CBL: variants seen among roughly 807,000 people sequenced by gnomAD.
CBL encodes the protein Cbl proto-oncogene.
In CBL, 45 loss-of-function variants were observed where a neutral mutation model predicts 96.9. The observed-to-expected ratio is 0.46, with a 90% CI of 0.37 to 0.60. CBL has a LOEUF of 0.60. CBL is among the 20% of genes least tolerant of loss of function. The pLI, the probability that CBL is intolerant of heterozygous loss-of-function variation, is 0.00. For missense variants in CBL, 1,024 were observed against 1,143.5 expected, an observed-to-expected ratio of 0.90 and a Z score of 1.51; for synonymous variants, 420 against 426.8, an observed-to-expected ratio of 0.98 and a Z score of 0.20.
At chr11:119,222,200 A>G (rs1036797478) in intron 1 of CBL, among the ~76,000 whole-genome samples, 2 of 151,978 alleles carry the variant, frequency 1.3e-5, no homozygotes, top group African/African-American at 4.8e-5. Flanking sequence ...TTACATGTGT[A>G]TGGTTTTCTG....
chr11:119,297,249 C>G, intron 13 of CBL, 135 bp from the exon 14 acceptor site: 3 of 792,756 alleles, frequency 3.8e-6, no homozygotes, highest in Non-Finnish European at 6.6e-6. Context: ...AAAACACATA[C>G]ACCTATAACT....
intron 2 of CBL, among the ~76,000 whole-genome samples, chr11:119,250,664 A>T (rs1432927289): frequency 6.6e-6 from 1 of 152,058 alleles, no homozygotes; most frequent in African/African-American, 2.4e-5. Flanking sequence ...GTTTGTGAAA[A>T]TTATTTCAGG....
intron 3 of CBL, among the ~76,000 whole-genome samples, chr11:119,273,114 G>T (rs1949861161): frequency 6.6e-6 from 1 of 151,904 alleles, no homozygotes; most frequent in Non-Finnish European, 1.5e-5. Flanking sequence ...GACTACACGT[G>T]TGTGCTGCCA....
In CBL at chr11:119,210,012, G is replaced by A. The variant is rs559649108; in HGVS notation, c.195+3400G>A. Among the ~76,000 whole-genome samples, 4 of 152,322 alleles carry A rather than the reference G, an allele frequency of 2.6e-5. No individual in the cohort carries two copies. The South Asian group carries it at 8.3e-4, about 32-fold the overall frequency. On this transcript the variant is annotated intron_variant, in intron 1 of 15. Transcript: ENST00000264033. ...TGCATAAATACTTGTATGTGAAGTG[G>A]CTTGTAAGCCAAAAGACAATTAGGC...
At chr11:119,238,078 G>A (rs1453705246) in intron 2 of CBL, among the ~76,000 whole-genome samples, 1 of 151,792 alleles carries the variant, frequency 6.6e-6, no homozygotes, top group African/African-American at 2.4e-5. Flanking sequence ...CACCATGTTG[G>A]TCAGGCTGGT....
chr11:119,297,407 T>A lies in CBL; in HGVS notation c.2177T>A (p.Ile726Asn). 6.2e-7 allele frequency: 1 copy of A among 1,613,898 alleles called. No homozygotes were observed. Among genetic ancestry groups the A allele is most frequent in the Non-Finnish European group, 8.5e-7 (1 of 1,179,862 alleles). Residue 726 changes from isoleucine to asparagine, a missense_variant, in exon 14 of 16, where the codon ATT becomes AAT. This residue lies in a region of CBL where 695 missense variants were observed against 661.6 expected (regional missense o/e 1.05). Transcript: ENST00000264033. ...AGAGCATGTGATTGCGACCAGCAGA[T>A]TGATAGCTGTACGTATGAAGCAATG... Reference protein sequence around the residue: ...SSRACDCDQQIDSCTYEAMYN... With the variant: ...SSRACDCDQQNDSCTYEAMYN...
chr11:119,226,514 T>C (rs1439970589), intron 1 of CBL, among the ~76,000 whole-genome samples: 1 of 152,084 alleles, frequency 6.6e-6, no homozygotes, highest in Non-Finnish European at 1.5e-5. Flanking sequence ...AGATGGGGTC[T>C]GTGGCATGTC....
chr11:119,215,499 C>T (rs1414831948), intron 1 of CBL, among the ~76,000 whole-genome samples: 1 of 149,996 alleles, frequency 6.7e-6, no homozygotes, highest in African/African-American at 2.5e-5. Context: ...AGCTTCATCT[C>T]TACTAAAAAT....
intron 12 of CBL, among the ~76,000 whole-genome samples, chr11:119,288,391 GTGCC>G (rs1950000583): frequency 6.6e-6 from 1 of 152,144 alleles, no homozygotes; most frequent in East Asian, 1.9e-4. Flanking sequence ...TGAGATCAGG[GTGCC>G]TGCATGGTGG....
At chr11:119,233,856 G>A (rs1034428445) in intron 2 of CBL, among the ~76,000 whole-genome samples, 1 of 151,968 alleles carries the variant, frequency 6.6e-6, no homozygotes, top group Non-Finnish European at 1.5e-5. Flanking sequence ...CTTTCCTTTG[G>A]GCCTGTTGGC....
chr11:119,262,748 G>A (rs781096721), intron 2 of CBL, among the ~76,000 whole-genome samples: 55 of 152,166 alleles, frequency 3.6e-4, no homozygotes, highest in Admixed American at 8.5e-4. Flanking sequence ...GAACGTGATG[G>A]AACCTGTGAA....
At chr11:119,235,503 C>G (rs939236932) in intron 2 of CBL, among the ~76,000 whole-genome samples, 7 of 152,098 alleles carry the variant, frequency 4.6e-5, no homozygotes, top group African/African-American at 1.7e-4. Flanking sequence ...TCCTCATTGT[C>G]TTCAGGTTGA....
At chr11:119,233,208 T>G (rs1212444931) in intron 2 of CBL, among the ~76,000 whole-genome samples, 2 of 152,208 alleles carry the variant, frequency 1.3e-5, no homozygotes, top group Admixed American at 6.5e-5. Flanking sequence ...TGCAGTTAAT[T>G]CAATAAATAT....
chr11:119,239,090 C>T (rs553181186), intron 2 of CBL, among the ~76,000 whole-genome samples: 5 of 152,254 alleles, frequency 3.3e-5, no homozygotes, highest in Non-Finnish European at 7.4e-5. Flanking sequence ...CCACCTCAGT[C>T]TCCCTAGTAG....
At chr11:119,280,422 A>C (rs998481055) in intron 9 of CBL, among the ~76,000 whole-genome samples, 1 of 152,218 alleles carries the variant, frequency 6.6e-6, no homozygotes, top group East Asian at 1.9e-4. Context: ...AAAATATTTA[A>C]CTTTTGGTTA....
At position 119,215,700 on chromosome 11, in the gene CBL, G is replaced by A. The variant is rs552578005; in HGVS notation, c.195+9088G>A. ...AAAAAAGCCGAGGGTTGTGGCATGCGCCTGTAATCCCAGCTACTCGGGAGG... is the reference window on the plus strand; with the variant it reads ...AAAAAAGCCGAGGGTTGTGGCATGCACCTGTAATCCCAGCTACTCGGGAGG... On this transcript the variant is annotated intron_variant, in intron 1 of 15. Transcript: ENST00000264033. Among the ~76,000 whole-genome samples the A allele has an allele frequency of 5.3e-5, 8 of 151,832 alleles. No homozygotes were observed. The South Asian group carries it at 1.0e-3, about 20-fold the overall frequency.
chr11:119,254,934 A>AT (rs1257590698), intron 2 of CBL, among the ~76,000 whole-genome samples: 1 of 152,052 alleles, frequency 6.6e-6, no homozygotes, highest in Non-Finnish European at 1.5e-5. Flanking sequence ...TTCTCAGTAG[A>AT]TTCATGGTGA....
chr11:119,285,370 C>T lies in CBL; in HGVS notation c.1745C>T (p.Pro582Leu), dbSNP rs1949975295. The change falls in exon 11 of 16, where the codon CCC (proline) becomes CTC (leucine). Residue 582 changes from proline to leucine, a missense_variant. Around this residue, in one of 4 missense-constraint regions of CBL, gnomAD observed 695 missense variants for 661.6 expected, o/e 1.05. Transcript: ENST00000264033. ...CPSRDKLPPV[P>L]SSRLGDSWLP... ...TCCAGAGACAAACTGCCCCCTGTCC[C>T]CTCTAGCCGCCTTGGAGACTCATGG... 1 of 1,614,186 alleles carries T rather than the reference C, an allele frequency of 6.2e-7. No individual in the cohort carries two copies. Among genetic ancestry groups the T allele is most frequent in the Non-Finnish European group, 8.5e-7 (1 of 1,180,034 alleles).
intron 2 of CBL, among the ~76,000 whole-genome samples, chr11:119,254,329 A>G (rs900141849): frequency 8.5e-5 from 13 of 152,370 alleles, no homozygotes; most frequent in Admixed American, 2.0e-4. Context: ...AAGTGCAACC[A>G]TGTATTGCTA....
Sources: allele counts gnomAD v4.1 joint callset (sites outside exome capture counted in the v4.1 genomes callset), GRCh38; gene constraint gnomAD v4.1.1; regional missense constraint gnomAD v4.1.1; transcripts MANE v1.5; gene names NCBI Gene and HGNC (gene_info 2026-07-23, HGNC 2026-07-21).